Variants in TMEM143 observed in about 807,000 individuals in gnomAD.
TMEM143 encodes the protein transmembrane protein 143.
TMEM143 carries 45 observed loss-of-function variants against 40.3 expected under a neutral mutation model. The ratio of observed to expected loss-of-function variants is 1.12; its 90% CI spans 0.88 to 1.43. The LOEUF (loss-of-function observed/expected upper bound fraction) is 1.43. Among genes scored for constraint, TMEM143 ranks in the 40% most tolerant of loss-of-function variants. The pLI, the probability that TMEM143 is intolerant of heterozygous loss-of-function variation, is 0.00. For missense variants in TMEM143, 620 were observed against 613.4 expected, an observed-to-expected ratio of 1.01 and a Z score of -0.11; for synonymous variants, 299 against 282.7, an observed-to-expected ratio of 1.06 and a Z score of -0.58.
chr19:48,335,567 T>C (rs956064440), intron 6 of TMEM143, among the ~76,000 whole-genome samples: 1 of 151,922 alleles, frequency 6.6e-6, no homozygotes, highest in African/African-American at 2.4e-5. Context: ...CTACTAAAAA[T>C]ACAAAATTAG....
In TMEM143 at chr19:48,333,155, C is replaced by T; in HGVS notation, c.*64G>A. 8.0e-7 allele frequency: 1 copy of T among 1,246,104 alleles called. No homozygotes were observed. Among genetic ancestry groups the T allele is most frequent in the Non-Finnish European group, 1.1e-6 (1 of 931,110 alleles). 77.2% of individuals were successfully genotyped at this position (1,246,104 alleles called of 1,614,324 possible). On this transcript the variant is annotated 3_prime_UTR_variant, in exon 8 of 8. Coordinates refer to ENST00000293261, the MANE Select transcript of TMEM143 (RefSeq NM_018273.4). This position sits in a 1 kb window ranked among gnomAD's most constrained non-coding sequence, Gnocchi z 4.1. ...AAAGTATAATAACCGTAATTGACAG[C>T]CTGTCGTGAAGGAGGCGGGGCTTAG...
At chr19:48,361,277 C>T (rs147332073) in intron 2 of TMEM143, among the ~76,000 whole-genome samples, 2 of 149,864 alleles carry the variant, frequency 1.3e-5, no homozygotes, top group East Asian at 2.0e-4. Context: ...TGGAGTGCAG[C>T]GGCCATGATC....
rs190172165 is a variant in TMEM143 at position 48,351,644 on chromosome 19, C to A, written c.370-6290G>T. On this transcript the variant is annotated intron_variant, in intron 3 of 7. Coordinates refer to ENST00000293261, the MANE Select transcript of TMEM143 (RefSeq NM_018273.4). Reference sequence around the variant, plus strand: ...GGTCGCCAGGCTCTAGCCCCGCAGGCCTCCTGGCTGTTCCTCCACACACCA... The same window carrying A: ...GGTCGCCAGGCTCTAGCCCCGCAGGACTCCTGGCTGTTCCTCCACACACCA... 8.1e-4 allele frequency among the ~76,000 whole-genome samples: 123 copies of A among 152,266 alleles called. No homozygotes were observed. In the South Asian group the frequency reaches 0.014, roughly 17 times the overall value.
intron 5 of TMEM143, 84 bp from the exon 6 acceptor site, chr19:48,342,893 G>T (rs953796484): frequency 1.4e-6 from 2 of 1,459,414 alleles, no homozygotes; most frequent in African/African-American, 1.4e-5. Flanking sequence ...GCTCACTCTG[G>T]CTCTACAGTC....
intron 6 of TMEM143, among the ~76,000 whole-genome samples, chr19:48,336,130 C>T (rs1776232322): frequency 6.6e-6 from 1 of 152,112 alleles, no homozygotes; most frequent in South Asian, 2.1e-4. Context: ...ACCTGTAATC[C>T]CTGCACTTTG....
intron 6 of TMEM143, among the ~76,000 whole-genome samples, chr19:48,336,737 T>G (rs1272300502): frequency 6.6e-6 from 1 of 151,126 alleles, no homozygotes; most frequent in Non-Finnish European, 1.5e-5. Flanking sequence ...AGCTCACGCC[T>G]GTAATCCCAG....
chr19:48,351,063 T>C (rs1220602859), intron 3 of TMEM143, among the ~76,000 whole-genome samples: 1 of 151,876 alleles, frequency 6.6e-6, no homozygotes, highest in Non-Finnish European at 1.5e-5. Context: ...CCATCTGCAG[T>C]CCAGATATCT....
intron 6 of TMEM143, among the ~76,000 whole-genome samples, chr19:48,340,925 C>T (rs1227448947): frequency 6.6e-6 from 1 of 152,144 alleles, no homozygotes; most frequent in Admixed American, 6.6e-5. Flanking sequence ...TCCTGTCTTC[C>T]AGAGCTTTCC....
rs150276062 is a variant in TMEM143, at chr19:48,336,833, C to T, written c.976-2636G>A. Among the ~76,000 whole-genome samples, 701 of 151,646 alleles carry T rather than the reference C, an allele frequency of 4.6e-3. 4 individuals carry two copies. Among genetic ancestry groups the T allele is most frequent in the African/African-American group, 0.016 (664 of 41,354 alleles). Reference sequence around the variant, plus strand: ...GAGATCGAGACCATCCTGGCTAACACGGTGAAACCCTGTATCTACTAAAAA... The same window carrying T: ...GAGATCGAGACCATCCTGGCTAACATGGTGAAACCCTGTATCTACTAAAAA... On this transcript the variant is annotated intron_variant, in intron 6 of 7. Transcript: ENST00000293261.
At chr19:48,336,788 G>T (rs1969379812) in intron 6 of TMEM143, among the ~76,000 whole-genome samples, 1 of 151,932 alleles carries the variant, frequency 6.6e-6, no homozygotes, top group Admixed American at 6.6e-5. Context: ...GAGGTCAGAA[G>T]ATCAAGACCA....
chr19:48,334,454 CTTTCTTTCTTTCTTTCTTTCTTTCTTTT>C (rs2147352435), intron 6 of TMEM143, among the ~76,000 whole-genome samples: 1 of 44,376 alleles, frequency 2.3e-5, no homozygotes, highest in South Asian at 5.9e-4. Flanking sequence ...TTCTTTCTTT[CTTTCTTTCTTTCTTTCTTTCTTTCTTTT>C]TCTTTCTTTC....
At position 48,333,138 on chromosome 19, in the gene TMEM143, A is replaced by G. The variant is rs1049894451; in HGVS notation, c.*81T>C. 19 of 1,141,646 alleles carry G rather than the reference A, an allele frequency of 1.7e-5. No individual in the cohort carries two copies. The highest frequency in any genetic ancestry group is 1.9e-5 in the Non-Finnish European group (16 of 844,532). The allele number at this position is 1,141,646 out of a possible 1,614,324, so 70.7% of individuals were successfully genotyped here. ...ATTGGAAGTTGGAGTGAAAAGTATA[A>G]TAACCGTAATTGACAGCCTGTCGTG... On this transcript the variant is annotated 3_prime_UTR_variant, in exon 8 of 8. Transcript: ENST00000293261. The surrounding 1 kb of genome is among the most constrained non-coding windows in gnomAD (Gnocchi z 4.1).
In TMEM143 at chr19:48,363,880, C is replaced by T; in HGVS notation, c.23+18G>A. The T allele has an allele frequency of 6.2e-7, 1 of 1,613,920 alleles. No homozygotes were observed. Among genetic ancestry groups the T allele is most frequent in the Non-Finnish European group, 8.5e-7 (1 of 1,179,866 alleles). ...GGCCGCCCTCCCTGGCCATGCAATC[C>T]CCCGATTTCTCCCTCACCTTAGCCA... On this transcript the variant is annotated intron_variant, in intron 1 of 7. Transcript: ENST00000293261.
intron 3 of TMEM143, among the ~76,000 whole-genome samples, chr19:48,359,033 G>A (rs998612065): frequency 2.0e-5 from 3 of 152,188 alleles, no homozygotes; most frequent in African/African-American, 7.2e-5. Context: ...GCAGGGGGAG[G>A]TCGTGGACGC....
intron 1 of TMEM143, 52 bp from the exon 2 acceptor site, chr19:48,363,583 C>T (rs904801089): frequency 6.5e-7 from 1 of 1,542,496 alleles, no homozygotes; most frequent in Non-Finnish European, 8.7e-7. Context: ...GGAAAAGCGC[C>T]CTCTCCACCT....
intron 3 of TMEM143, among the ~76,000 whole-genome samples, chr19:48,353,575 T>G (rs77978496): frequency 0.013 from 1,934 of 151,974 alleles, 64 homozygotes; most frequent in African/African-American, 0.045. Flanking sequence ...ACTAAAAAAT[T>G]ACACATAGTT....
At chr19:48,339,930 C>T (rs897005203) in intron 6 of TMEM143, among the ~76,000 whole-genome samples, 4 of 150,564 alleles carry the variant, frequency 2.7e-5, no homozygotes, top group South Asian at 2.1e-4. Flanking sequence ...GGTTTCACTA[C>T]GTTGGCCAGG....
At chr19:48,334,519 TTCTC>T (rs1354002099) in intron 6 of TMEM143, among the ~76,000 whole-genome samples, 2 of 149,470 alleles carry the variant, frequency 1.3e-5, no homozygotes, top group African/African-American at 5.0e-5. Context: ...TTTTCTTTCT[TTCTC>T]TTTCTTTCTT....
chr19:48,352,246 C>CAAAAAAAAAAACA (rs1332400813), intron 3 of TMEM143, among the ~76,000 whole-genome samples: 3 of 41,570 alleles, frequency 7.2e-5, no homozygotes, highest in Non-Finnish European at 1.2e-4. Flanking sequence ...GACTCTGTCT[C>CAAAAAAAAAAACA]AAAAAAAAAA....
Sources: gnomAD v4.1 joint callset for allele counts (sites outside exome capture counted in the v4.1 genomes callset) on GRCh38, gnomAD v4.1.1 for gene constraint, Gnocchi (gnomAD v3.1) non-coding constraint, MANE v1.5 for transcripts, NCBI Gene and HGNC (gene_info 2026-07-23, HGNC 2026-07-21) for gene names.